Variants in NCKAP1L observed in about 807,000 individuals in gnomAD.
NCKAP1L encodes the protein nck-associated protein 1-like.
NCKAP1L carries 53 observed loss-of-function variants against 139.2 expected under a neutral mutation model. The observed-to-expected ratio is 0.38, with a 90% CI of 0.31 to 0.48. The LOEUF (loss-of-function observed/expected upper bound fraction) is 0.48, where lower values mean the gene tolerates loss of function less well. Ranked by LOEUF, NCKAP1L falls within the 20% of genes least tolerant of loss-of-function variation. The pLI, the probability that NCKAP1L is intolerant of heterozygous loss-of-function variation, is 0.98. For missense variants in NCKAP1L, 1,151 were observed against 1,381.9 expected (o/e 0.83, Z 2.65); for synonymous variants, 468 against 499.7 (o/e 0.94, Z 0.85).
intron 3 of NCKAP1L, among the ~76,000 whole-genome samples, chr12:54,507,216 G>T (rs926043684): frequency 6.6e-6 from 1 of 152,134 alleles, no homozygotes; most frequent in Non-Finnish European, 1.5e-5. Flanking sequence ...TGGGCGTTCT[G>T]CAGGATGGAG....
chr12:54,533,134 G>A (rs1957086038), intron 26 of NCKAP1L, among the ~76,000 whole-genome samples: 1 of 152,198 alleles, frequency 6.6e-6, no homozygotes, highest in Non-Finnish European at 1.5e-5. Flanking sequence ...GTTTCACTAG[G>A]ATAGCTGCCC....
chr12:54,528,777 C>T (rs1394494951), intron 22 of NCKAP1L, among the ~76,000 whole-genome samples: 1 of 150,936 alleles, frequency 6.6e-6, no homozygotes, highest in Non-Finnish European at 1.5e-5. Context: ...AGGCAAATGC[C>T]ACCATGCTGG....
chr12:54,509,915 G>A lies in NCKAP1L; in HGVS notation c.665G>A (p.Trp222Ter). The A allele has an allele frequency of 6.2e-7, 1 of 1,614,208 alleles. No individual in the cohort carries two copies. Among genetic ancestry groups the A allele is most frequent in the Non-Finnish European group, 8.5e-7 (1 of 1,180,030 alleles). ...CGAAGAAACCAGGGGGCTGAGCAGT[G>A]GCGCAGTGCCCAACTTCTAAGCCTC... ...FVRRNQGAEQ[W>*]RSAQLLSLIS... Residue 222 changes from tryptophan to a stop codon, truncating the protein, a stop_gained, in exon 7 of 31, where the codon TGG (tryptophan) becomes TAG (stop). Coordinates refer to ENST00000293373, the MANE Select transcript of NCKAP1L (RefSeq NM_005337.5). LOFTEE classifies it high-confidence loss of function.
In NCKAP1L at chr12:54,506,796, A is replaced by AAAAATATATATATATAT; in HGVS notation, c.307-1056_307-1055insAAATATATATATATATA. Among the ~76,000 whole-genome samples the AAAAATATATATATATAT allele has an allele frequency of 3.7e-3, 187 of 50,558 alleles. 2 individuals carry two copies. Among genetic ancestry groups the AAAAATATATATATATAT allele is most frequent in the East Asian group, 0.024 (22 of 912 alleles). The allele number at this position is 50,558 out of a possible 152,430, so 33.2% of individuals were successfully genotyped here. On this transcript the variant is annotated intron_variant, in intron 3 of 30. Transcript: ENST00000293373. ...TTTTGGCAACATATTAAAAAAAAAAAATATATATATATATATATATATATA... is the reference window on the plus strand; with the variant it reads ...TTTTGGCAACATATTAAAAAAAAAAAAAAATATATATATATATATATATATATATATATATATATATA...
At chr12:54,503,678 T>C (rs2120876126) in intron 3 of NCKAP1L, among the ~76,000 whole-genome samples, 1 of 151,690 alleles carries the variant, frequency 6.6e-6, no homozygotes, top group South Asian at 2.1e-4. Flanking sequence ...CTTACTGTGT[T>C]GCCCAGGCTG....
intron 20 of NCKAP1L, among the ~76,000 whole-genome samples, chr12:54,524,367 C>T (rs1220962258): frequency 1.3e-5 from 2 of 152,024 alleles, no homozygotes; most frequent in African/African-American, 4.8e-5. Flanking sequence ...GAGAATTACC[C>T]ATAATTGAGA....
chr12:54,521,319 C>G, intron 18 of NCKAP1L, 81 bp downstream of exon 18: 2 of 1,567,436 alleles, frequency 1.3e-6, no homozygotes, highest in Non-Finnish European at 1.7e-6. Context: ...GTTTCCCTCT[C>G]AGATGCCAAG....
rs1017122856 is a variant in NCKAP1L at position 54,507,087 on chromosome 12, A to G, written c.307-766A>G. On this transcript the variant is annotated intron_variant, in intron 3 of 30. Coordinates refer to ENST00000293373, the MANE Select transcript of NCKAP1L (RefSeq NM_005337.5). ...CAATTTTGTAACACAAATAATGACC[A>G]AAAAACCTGTTTCTCTCTCTCTCTT... is the stretch of plus-strand genomic sequence containing the variant. Among the ~76,000 whole-genome samples the G allele has an allele frequency of 1.4e-4, 22 of 151,880 alleles. 1 individual carries two copies. In the East Asian group the frequency reaches 3.3e-3, roughly 23 times the overall value.
chr12:54,528,690 A>C (rs1957045314), intron 22 of NCKAP1L, among the ~76,000 whole-genome samples: 1 of 150,920 alleles, frequency 6.6e-6, no homozygotes, highest in African/African-American at 2.4e-5. Flanking sequence ...CAGCGGCACT[A>C]TCTTGGCTCA....
At chr12:54,517,404 A>C (rs1156439171) in intron 11 of NCKAP1L, 129 bp from the exon 12 acceptor site, 1 of 680,022 alleles carries the variant, frequency 1.5e-6, no homozygotes, top group Admixed American at 2.5e-5. Context: ...GGTGAGTCTG[A>C]ATGTTTATTA....
chr12:54,536,186 C>G lies in NCKAP1L; in HGVS notation c.3014C>G (p.Ala1005Gly). ...KVACLLLIFLAVSLPLLATDP... is the reference protein window; with the variant it reads ...KVACLLLIFLGVSLPLLATDP... Reference sequence around the variant, plus strand: ...GCCTGCCTGCTCTTGATCTTTCTGGCAGTTTCCCTCCCACTCCTTGCCACT... The same window carrying G: ...GCCTGCCTGCTCTTGATCTTTCTGGGAGTTTCCCTCCCACTCCTTGCCACT... Residue 1005 changes from alanine (A) to glycine (G), a missense_variant, in exon 28 of 31, where the codon GCA (alanine) becomes GGA (glycine). By Grantham distance (60) the Ala-to-Gly change is moderately conservative. Coordinates refer to ENST00000293373, the MANE Select transcript of NCKAP1L (RefSeq NM_005337.5). 1 of 1,613,502 alleles carries G rather than the reference C, an allele frequency of 6.2e-7. No individual in the cohort carries two copies. Among genetic ancestry groups the G allele is most frequent in the Non-Finnish European group, 8.5e-7 (1 of 1,179,706 alleles).
At chr12:54,512,192 G>A in intron 9 of NCKAP1L, 87 bp downstream of exon 9, 1 of 1,367,982 alleles carries the variant, frequency 7.3e-7, no homozygotes, top group African/African-American at 1.5e-5. Context: ...AGTGTTCCCA[G>A]ATATAGGTGG....
At chr12:54,506,796 A>AAAAAAAAAAATATAT in intron 3 of NCKAP1L, among the ~76,000 whole-genome samples, 14 of 50,604 alleles carry the variant, frequency 2.8e-4, no homozygotes, top group African/African-American at 4.4e-4. Context: ...AAAAAAAAAA[A>AAAAAAAAAAATATAT]ATATATATAT....
At chr12:54,521,090 G>C in intron 17 of NCKAP1L, 29 bp from the exon 18 acceptor site, 1 of 1,613,592 alleles carries the variant, frequency 6.2e-7, no homozygotes. Context: ...GGTGATGACA[G>C]TCTCTTCTTT....
In NCKAP1L at chr12:54,536,254, G is replaced by A. The variant is rs1226659769; in HGVS notation, c.3073+9G>A. On this transcript the variant is annotated intron_variant, in intron 28 of 30. Coordinates refer to ENST00000293373, the MANE Select transcript of NCKAP1L (RefSeq NM_005337.5). ...TAGCATTGAGAAGGATGGTAAGTAA[G>A]GGGTAGGTTTGAGACACCAGTGCTA... 1.3e-6 allele frequency: 2 copies of A among 1,589,104 alleles called. No individual in the cohort carries two copies. The highest frequency in any genetic ancestry group is 1.7e-6 in the Non-Finnish European group (2 of 1,158,586).
intron 30 of NCKAP1L, among the ~76,000 whole-genome samples, chr12:54,539,749 T>C (rs542580216): frequency 6.6e-6 from 1 of 152,242 alleles, no homozygotes; most frequent in East Asian, 1.9e-4. Context: ...GGCCCTCCTC[T>C]GGCCAATGGG....
rs1376034503 is a variant in NCKAP1L at position 54,518,982 on chromosome 12, T to C, written c.1479+10T>C. Reference sequence around the variant, plus strand: ...CTGGTTCCGCCTACAGGTAATGATCTGTTCCTGTTAAAGATTCTCATCCTC... The same window carrying C: ...CTGGTTCCGCCTACAGGTAATGATCCGTTCCTGTTAAAGATTCTCATCCTC... On this transcript the variant is annotated intron_variant, in intron 15 of 30. Transcript: ENST00000293373. The C allele has an allele frequency of 6.2e-7, 1 of 1,609,750 alleles. No individual in the cohort carries two copies.
At chr12:54,516,041 T>C (rs79308377) in intron 9 of NCKAP1L, among the ~76,000 whole-genome samples, 198 bp from the exon 10 acceptor site, 1,593 of 152,236 alleles carry the variant, frequency 0.01, 13 homozygotes, top group Non-Finnish European at 0.016. Context: ...AATTATGAGG[T>C]AGAGTTGAAT....
At chr12:54,523,207 A>C (rs1039934835) in intron 18 of NCKAP1L, among the ~76,000 whole-genome samples, 187 bp from the exon 19 acceptor site, 2 of 152,226 alleles carry the variant, frequency 1.3e-5, no homozygotes, top group Non-Finnish European at 2.9e-5. Context: ...GATATTTATG[A>C]AAACTGAAAG....
Sources: gnomAD v4.1 joint callset for allele counts (sites outside exome capture counted in the v4.1 genomes callset) on GRCh38, gnomAD v4.1.1 for gene constraint, MANE v1.5 for transcripts, NCBI Gene and HGNC (gene_info 2026-07-23, HGNC 2026-07-21) for gene names.